IL1RAPL2: variants seen among roughly 807,000 people sequenced by gnomAD.
IL1RAPL2 encodes the protein X-linked interleukin-1 receptor accessory protein-like 2.
IL1RAPL2 carries 3 observed loss-of-function variants against 44.1 expected under a neutral mutation model. The observed-to-expected ratio is 0.07, with a 90% CI of 0.03 to 0.18. The LOEUF (loss-of-function observed/expected upper bound fraction) is 0.18, where lower values mean the gene tolerates loss of function less well. Ranked by LOEUF, IL1RAPL2 falls within the 10% of genes least tolerant of loss-of-function variation. IL1RAPL2 has a pLI of 1.00. For missense variants in IL1RAPL2, 391 were observed against 496.4 expected (o/e 0.79, Z 2.02); for synonymous variants, 181 against 178.8 (o/e 1.01, Z -0.10).
At chrX:105,128,413 C>G (rs2032996143) in intron 2 of IL1RAPL2, among the ~76,000 whole-genome samples, 2 of 111,001 alleles carry the variant, frequency 1.8e-5, no homozygotes, top group African/African-American at 6.5e-5. Flanking sequence ...ACACAACTTT[C>G]TATATGCATA....
At chrX:104,632,312 C>T (rs191954558) in intron 1 of IL1RAPL2, among the ~76,000 whole-genome samples, 1,369 of 111,372 alleles carry the variant, frequency 0.012, 31 homozygotes, top group African/African-American at 0.042. Context: ...TTAGGATTGA[C>T]TTGGCGATGC....
intron 3 of IL1RAPL2, among the ~76,000 whole-genome samples, chrX:105,210,708 A>G (rs35882917): frequency 0.025 from 2,769 of 111,558 alleles, 32 homozygotes; most frequent in Non-Finnish European, 0.041. Flanking sequence ...TTTAATAACT[A>G]GTTAGGGAAC....
chrX:105,020,137 C>A (rs938698066), intron 2 of IL1RAPL2, among the ~76,000 whole-genome samples: 1 of 109,592 alleles, frequency 9.1e-6, no homozygotes, highest in Admixed American at 9.8e-5. Flanking sequence ...CTACAGCCAG[C>A]TATTTTTAAA....
intron 2 of IL1RAPL2, among the ~76,000 whole-genome samples, chrX:105,013,136 C>A (rs1007046667): frequency 3.6e-5 from 4 of 110,862 alleles, no homozygotes; most frequent in Non-Finnish European, 7.6e-5. Context: ...GGAAGTAAAC[C>A]AATGGGATAT....
chrX:105,231,333 G>A (rs898391892), intron 3 of IL1RAPL2, among the ~76,000 whole-genome samples: 6 of 111,445 alleles, frequency 5.4e-5, no homozygotes, highest in African/African-American at 1.6e-4. Flanking sequence ...TCCTCCTAGT[G>A]GCTATCCACA....
At chrX:105,442,943 G>A (rs925491376) in intron 5 of IL1RAPL2, among the ~76,000 whole-genome samples, 12 of 111,468 alleles carry the variant, frequency 1.1e-4, no homozygotes, top group Admixed American at 4.8e-4. Context: ...CAGCGTGGTG[G>A]TGGGCACCTG....
At position 104,630,217 on chromosome X, in the gene IL1RAPL2, G is replaced by A. The variant is rs758999895; in HGVS notation, c.-19-28678G>A. ...GGCTGGAGTACAGTGGCGCGATCTC[G>A]GCTCACTGCAATCTCCGCCTCCTGG... On this transcript the variant is annotated intron_variant, in intron 1 of 10. Coordinates refer to ENST00000372582, the MANE Select transcript of IL1RAPL2 (RefSeq NM_017416.2). Among the ~76,000 whole-genome samples, 19 of 106,318 alleles carry A rather than the reference G, an allele frequency of 1.8e-4. No individual in the cohort carries two copies. The East Asian group carries it at 5.3e-3, about 30-fold the overall frequency. The allele number at this position is 106,318 out of a possible 115,157, so 92.3% of individuals were successfully genotyped here.
At chrX:105,030,327 A>T (rs2031464724) in intron 2 of IL1RAPL2, among the ~76,000 whole-genome samples, 2 of 111,109 alleles carry the variant, frequency 1.8e-5, no homozygotes, top group Non-Finnish European at 3.8e-5. Context: ...GCCCATGCCT[A>T]TGTCCTGAAT....
chrX:105,328,408 C>A lies in IL1RAPL2; in HGVS notation c.697+60867C>A, dbSNP rs150898835. ...GGTAGCTTAATTCTCATGGCTCTAA[C>A]CCATCCCAGTATATTTGCCTGAAGC... On this transcript the variant is annotated intron_variant, in intron 5 of 10. Coordinates refer to ENST00000372582, the MANE Select transcript of IL1RAPL2 (RefSeq NM_017416.2). Among the ~76,000 whole-genome samples, 708 of 111,821 alleles carry A rather than the reference C, an allele frequency of 6.3e-3. 4 individuals carry two copies. The highest frequency in any genetic ancestry group is 0.023 in the African/African-American group (695 of 30,843).
At chrX:105,356,604 C>A (rs993300193) in intron 5 of IL1RAPL2, among the ~76,000 whole-genome samples, 6 of 111,392 alleles carry the variant, frequency 5.4e-5, no homozygotes, top group African/African-American at 2.0e-4. Flanking sequence ...GTGCCACAAG[C>A]CTGGCTCACT....
At chrX:105,756,949 A>G (rs1436452125) in intron 10 of IL1RAPL2, among the ~76,000 whole-genome samples, 2 of 110,375 alleles carry the variant, frequency 1.8e-5, no homozygotes, top group Admixed American at 9.7e-5. Flanking sequence ...TTATCCCTCT[A>G]TCTTCCTTAT....
At chrX:104,609,930 A>C (rs948362920) in intron 1 of IL1RAPL2, among the ~76,000 whole-genome samples, 2 of 111,404 alleles carry the variant, frequency 1.8e-5, no homozygotes, top group African/African-American at 6.5e-5. Context: ...GAGAAGAGGC[A>C]TTCTGTTTTT....
At chrX:105,587,064 A>G (rs1334563780) in intron 6 of IL1RAPL2, among the ~76,000 whole-genome samples, 3 of 111,528 alleles carry the variant, frequency 2.7e-5, no homozygotes, top group Non-Finnish European at 5.7e-5. Flanking sequence ...TGTCTCTTGT[A>G]AAATATATGA....
At chrX:105,580,499 C>G (rs999061094) in intron 6 of IL1RAPL2, among the ~76,000 whole-genome samples, 2 of 110,136 alleles carry the variant, frequency 1.8e-5, no homozygotes, top group Non-Finnish European at 3.8e-5. Context: ...CCTTGACTCA[C>G]TTATCAACCC....
At chrX:104,640,039 G>A (rs750222576) in intron 1 of IL1RAPL2, among the ~76,000 whole-genome samples, 2 of 111,307 alleles carry the variant, frequency 1.8e-5, no homozygotes, top group South Asian at 7.5e-4. Context: ...TCCTAGACTT[G>A]GGAAGTTTTC....
intron 3 of IL1RAPL2, chrX:105,219,110 T>C (rs891482510): frequency 3.4e-5 from 41 of 1,211,124 alleles, no homozygotes; most frequent in Non-Finnish European, 4.4e-5. Flanking sequence ...TCGGAGTATC[T>C]CCTGTCTCTT....
chrX:105,210,603 C>G (rs1035475127), intron 3 of IL1RAPL2, among the ~76,000 whole-genome samples: 1 of 111,412 alleles, frequency 9.0e-6, no homozygotes, highest in African/African-American at 3.3e-5. Context: ...AATAAAAAAG[C>G]ATATGGCCCC....
chrX:104,909,685 G>C (rs932612764), intron 2 of IL1RAPL2, among the ~76,000 whole-genome samples: 3 of 112,160 alleles, frequency 2.7e-5, no homozygotes, highest in African/African-American at 9.7e-5. Context: ...ACCCACTTGA[G>C]GAGGCAGTCT....
At chrX:105,029,859 G>C (rs1443903800) in intron 2 of IL1RAPL2, among the ~76,000 whole-genome samples, 2 of 111,321 alleles carry the variant, frequency 1.8e-5, no homozygotes, top group African/African-American at 3.3e-5. Context: ...CTAGTTTACA[G>C]CCCCACCAAC....
Sources: gnomAD v4.1 joint callset for allele counts (sites outside exome capture counted in the v4.1 genomes callset) on GRCh38, gnomAD v4.1.1 for gene constraint, MANE v1.5 for transcripts, NCBI Gene and HGNC (gene_info 2026-07-23, HGNC 2026-07-21) for gene names.